The following VRK2 variants were observed in gnomAD, a reference collection of about 807,000 sequenced individuals.
VRK2 encodes VRK serine/threonine kinase 2.
Under a neutral mutation model 57.6 loss-of-function variants are expected in VRK2, and 60 were observed. The ratio of observed to expected loss-of-function variants is 1.04; its 90% CI spans 0.85 to 1.29. The LOEUF (loss-of-function observed/expected upper bound fraction) is 1.29. Ranked by LOEUF, VRK2 falls within the 50% of genes most tolerant of loss-of-function variation. The pLI is 0.00. For missense variants in VRK2, 705 were observed against 588.1 expected (o/e 1.20, Z -2.06); for synonymous variants, 231 against 199.2 (o/e 1.16, Z -1.35).
At chr2:58,000,039 C>A (rs373629919) in intron 1 of VRK2, among the ~76,000 whole-genome samples, 48 of 152,212 alleles carry the variant, frequency 3.2e-4, no homozygotes, top group African/African-American at 8.7e-4. Flanking sequence ...CATGCACACA[C>A]AATAAACCTC....
At chr2:57,973,324 A>G (rs1374443335) in intron 1 of VRK2, among the ~76,000 whole-genome samples, 2 of 151,922 alleles carry the variant, frequency 1.3e-5, no homozygotes, top group Non-Finnish European at 2.9e-5. Context: ...AAAATATATA[A>G]AAAGTATGAT....
chr2:57,991,929 G>A (rs1672781179), intron 1 of VRK2, among the ~76,000 whole-genome samples: 1 of 149,792 alleles, frequency 6.7e-6, no homozygotes, highest in Non-Finnish European at 1.5e-5. Context: ...CTGCACTCCA[G>A]CCTGGCGACA....
rs117508142 is a variant in VRK2, at chr2:58,119,409, G to A, written c.544-3692G>A. On this transcript the variant is annotated intron_variant, in intron 7 of 12. Coordinates refer to ENST00000340157, the MANE Select transcript of VRK2 (RefSeq NM_006296.7). ...GGAGAAACTCTGGAACTTGGGAGGC[G>A]GAGGTTGCAGTGAGCCGAGATCGCG... Among the ~76,000 whole-genome samples, 849 of 150,488 alleles carry A rather than the reference G, an allele frequency of 5.6e-3. 18 individuals carry two copies. In the East Asian group the frequency reaches 0.077, roughly 14 times the overall value.
intron 1 of VRK2, among the ~76,000 whole-genome samples, chr2:57,931,814 C>CT (rs55860900): frequency 6.3e-4 from 91 of 143,430 alleles, no homozygotes; most frequent in Middle Eastern, 7.3e-3. Context: ...GATCAACTTT[C>CT]TTTTTTTTTT....
chr2:58,081,763 T>C (rs1249047721), intron 2 of VRK2, among the ~76,000 whole-genome samples: 1 of 151,860 alleles, frequency 6.6e-6, no homozygotes, highest in East Asian at 1.9e-4. Context: ...TACATTTGTG[T>C]ATGAGTATTT....
chr2:58,137,210 TG>T (rs1558687152), intron 10 of VRK2, among the ~76,000 whole-genome samples: 2 of 76,054 alleles, frequency 2.6e-5, no homozygotes, highest in African/African-American at 2.0e-4. Flanking sequence ...ATCTCATATA[TG>T]ATACATATAT....
At chr2:58,015,004 T>C (rs1229068710) in intron 1 of VRK2, among the ~76,000 whole-genome samples, 1 of 152,156 alleles carries the variant, frequency 6.6e-6, no homozygotes, top group South Asian at 2.1e-4. Context: ...TTTAAGATAA[T>C]ACATTTGTGC....
intron 1 of VRK2, among the ~76,000 whole-genome samples, chr2:57,908,027 TTATGAGAA>T (rs1273622775): frequency 3.3e-5 from 5 of 151,982 alleles, no homozygotes; most frequent in African/African-American, 4.8e-5. Context: ...GCTAGACTGT[TTATGAGAA>T]TATGAGAATG....
intron 1 of VRK2, among the ~76,000 whole-genome samples, chr2:57,940,616 G>T (rs907744495): frequency 1.3e-5 from 2 of 152,092 alleles, no homozygotes; most frequent in Non-Finnish European, 2.9e-5. Flanking sequence ...GGAAAAAAAG[G>T]TCAAACATTT....
intron 1 of VRK2, among the ~76,000 whole-genome samples, chr2:58,023,873 T>C (rs1471443107): frequency 6.6e-6 from 1 of 152,160 alleles, no homozygotes; most frequent in Admixed American, 6.6e-5. Context: ...GGAGTGGTCA[T>C]GCTCACTACC....
At chr2:58,112,351 T>A (rs1368827036) in intron 7 of VRK2, among the ~76,000 whole-genome samples, 1 of 152,216 alleles carries the variant, frequency 6.6e-6, no homozygotes, top group Non-Finnish European at 1.5e-5. Flanking sequence ...CCTCAAAAGA[T>A]ATTACTTCAT....
intron 1 of VRK2, among the ~76,000 whole-genome samples, chr2:57,916,545 G>GATA (rs1003134660): frequency 2.0e-5 from 3 of 151,182 alleles, no homozygotes; most frequent in South Asian, 2.1e-4. Context: ...TAAGCCCAAT[G>GATA]ATAATAATAA....
intron 3 of VRK2, chr2:58,040,987 A>T (rs1674432218): frequency 6.3e-6 from 6 of 955,588 alleles, no homozygotes; most frequent in Non-Finnish European, 7.5e-6. Context: ...TTGAACATTC[A>T]GCTTCTGCTT....
At chr2:58,141,707 C>G (rs943129557) in intron 11 of VRK2, among the ~76,000 whole-genome samples, 2 of 151,852 alleles carry the variant, frequency 1.3e-5, no homozygotes, top group African/African-American at 4.8e-5. Context: ...TGTGGCTAAA[C>G]TTTAAGTATC....
intron 1 of VRK2, among the ~76,000 whole-genome samples, chr2:58,010,957 A>G (rs889949054): frequency 6.6e-6 from 1 of 152,188 alleles, no homozygotes; most frequent in African/African-American, 2.4e-5. Context: ...CTTACTTTTT[A>G]GTACAACTGT....
At chr2:57,950,612 G>A (rs140857111) in intron 1 of VRK2, among the ~76,000 whole-genome samples, 52 of 152,284 alleles carry the variant, frequency 3.4e-4, no homozygotes, top group Admixed American at 1.4e-3. Flanking sequence ...TGTTGTCTTC[G>A]TGCCTGCTAA....
rs920512023 is a variant in VRK2, at chr2:57,944,667, C to T, written c.-439+36828C>T. Among the ~76,000 whole-genome samples, 110 of 151,492 alleles carry T rather than the reference C, an allele frequency of 7.3e-4. 1 individual carries two copies. Among genetic ancestry groups the T allele is most frequent in the African/African-American group, 2.5e-3 (103 of 41,274 alleles). On this transcript the variant is annotated intron_variant, in intron 1 of 15. Coordinates refer to the VRK2 transcript ENST00000417641. ...AGGAGAATGGCGTGAACCCGGGAGG[C>T]GGAGTTTGCAGTGAGCCGAGATCGT...
At position 57,991,567 on chromosome 2, in the gene VRK2, A is replaced by G. The variant is rs193094974; in HGVS notation, c.-438-34098A>G. On this transcript the variant is annotated intron_variant, in intron 1 of 15. Transcript: ENST00000417641. ...GGGTCCAAAGAATGTTCATAGACATATAACATTCATGTGTTAGTTCACAGA... is the reference window on the plus strand; with the variant it reads ...GGGTCCAAAGAATGTTCATAGACATGTAACATTCATGTGTTAGTTCACAGA... Among the ~76,000 whole-genome samples the G allele has an allele frequency of 7.2e-5, 11 of 152,242 alleles. No individual in the cohort carries two copies. The East Asian group carries it at 1.2e-3, about 16-fold the overall frequency.
chr2:57,984,161 ATGTAT>A (rs1401914869), intron 1 of VRK2, among the ~76,000 whole-genome samples: 1 of 152,214 alleles, frequency 6.6e-6, no homozygotes, highest in Non-Finnish European at 1.5e-5. Flanking sequence ...AAAAGTGCTG[ATGTAT>A]TGTCTAAATT....
Sources: gnomAD v4.1 joint callset for allele counts (sites outside exome capture counted in the v4.1 genomes callset) on GRCh38, gnomAD v4.1.1 for gene constraint, MANE v1.5 for transcripts, NCBI Gene and HGNC (gene_info 2026-07-23, HGNC 2026-07-21) for gene names.